SLC13A3: variants seen among roughly 807,000 people sequenced by gnomAD.
The protein encoded by SLC13A3 is Na(+)/dicarboxylate cotransporter 3.
Under a neutral mutation model 59.0 loss-of-function variants are expected in SLC13A3, and 40 were observed. The observed-to-expected ratio is 0.68, with a 90% CI of 0.53 to 0.88. The LOEUF is 0.88. Ranked by LOEUF, SLC13A3 falls within the 40% of genes least tolerant of loss-of-function variation. SLC13A3 has a pLI of 0.00. For missense variants in SLC13A3, 699 were observed against 783.2 expected (o/e 0.89, Z 1.28); for synonymous variants, 317 against 330.3 (o/e 0.96, Z 0.44).
intron 1 of SLC13A3, among the ~76,000 whole-genome samples, chr20:46,681,159 G>A (rs548916352): frequency 6.6e-6 from 1 of 152,192 alleles, no homozygotes; most frequent in Non-Finnish European, 1.5e-5. Flanking sequence ...AGAGCCAGAC[G>A]CAGCCCATGT....
chr20:46,619,365 C>T (rs1187363621), intron 1 of SLC13A3, among the ~76,000 whole-genome samples: 1 of 152,206 alleles, frequency 6.6e-6, no homozygotes, highest in Admixed American at 6.5e-5. Flanking sequence ...TCATTAGAGC[C>T]TGAGTCTTTA....
chr20:46,614,695 A>T (rs951759441), intron 1 of SLC13A3, among the ~76,000 whole-genome samples: 1 of 152,174 alleles, frequency 6.6e-6, no homozygotes, highest in Non-Finnish European at 1.5e-5. Context: ...TATTACCCCC[A>T]TTTGATGGAT....
chr20:46,611,965 A>T (rs145659157), intron 2 of SLC13A3, among the ~76,000 whole-genome samples: 102 of 152,212 alleles, frequency 6.7e-4, no homozygotes, highest in Middle Eastern at 3.4e-3. Context: ...CATCTAATCA[A>T]ATTAAGCATT....
chr20:46,622,617 TGTGC>T (rs57277976), intron 1 of SLC13A3, among the ~76,000 whole-genome samples: 10,888 of 87,698 alleles, frequency 0.12, 459 homozygotes, highest in East Asian at 0.32. Context: ...GTGTGTGGTG[TGTGC>T]GTGTGTGTGT....
intron 3 of SLC13A3, among the ~76,000 whole-genome samples, chr20:46,607,580 A>G (rs1191519708): frequency 6.6e-6 from 1 of 152,234 alleles, no homozygotes; most frequent in East Asian, 1.9e-4. Context: ...GACATCCTGC[A>G]GCATAGGAAA....
intron 1 of SLC13A3, among the ~76,000 whole-genome samples, chr20:46,657,298 G>T (rs578225544): frequency 6.6e-6 from 1 of 151,620 alleles, no homozygotes; most frequent in South Asian, 2.1e-4. Context: ...ATTTGAACCC[G>T]GGAGGCAGAA....
chr20:46,564,389 T>G (rs6090516), intron 11 of SLC13A3, among the ~76,000 whole-genome samples: 3,488 of 152,308 alleles, frequency 0.023, 146 homozygotes, highest in African/African-American at 0.08. Context: ...TTCTAGGGAA[T>G]TTTTGCAACC....
At chr20:46,649,238 C>T (rs981920065) in intron 1 of SLC13A3, among the ~76,000 whole-genome samples, 1 of 152,144 alleles carries the variant, frequency 6.6e-6, no homozygotes, top group African/African-American at 2.4e-5. Flanking sequence ...CAGGGGCTCT[C>T]CCTGTTATCT....
chr20:46,656,220 G>C (rs2062989342), upstream of SLC13A3, among the ~76,000 whole-genome samples: 1 of 141,802 alleles, frequency 7.1e-6, no homozygotes, highest in Non-Finnish European at 1.5e-5. Flanking sequence ...AATACTGTAT[G>C]TGATGTAGAC....
rs538758993 is a variant in SLC13A3 at position 46,614,414 on chromosome 20, C to T, written c.112-689G>A. ...TCAGCACTTCCGGCATCCTTATGTG[C>T]AGACTGAGCATGCTCCTGCAGCCAG... is the stretch of plus-strand genomic sequence containing the variant. On this transcript the variant is annotated intron_variant, in intron 1 of 12. Coordinates refer to ENST00000279027, the MANE Select transcript of SLC13A3 (RefSeq NM_022829.6). 3.3e-5 allele frequency among the ~76,000 whole-genome samples: 5 copies of T among 152,320 alleles called. No homozygotes were observed. The East Asian group carries it at 9.6e-4, about 29-fold the overall frequency.
chr20:46,571,256 G>A (rs2062026440), intron 10 of SLC13A3, among the ~76,000 whole-genome samples: 1 of 152,162 alleles, frequency 6.6e-6, no homozygotes, highest in South Asian at 2.1e-4. Context: ...TGGGGACACA[G>A]CCAAACTATG....
At chr20:46,614,906 G>A (rs1268065866) in intron 1 of SLC13A3, among the ~76,000 whole-genome samples, 1 of 152,194 alleles carries the variant, frequency 6.6e-6, no homozygotes, top group Non-Finnish European at 1.5e-5. Flanking sequence ...GAAGGTCTAT[G>A]TTGTGGGGGC....
chr20:46,592,403 C>A lies in SLC13A3; in HGVS notation c.920+1G>T. On this transcript the variant is annotated splice_donor_variant, in intron 6 of 12. Transcript: ENST00000279027. LOFTEE classifies it high-confidence loss of function. Reference sequence around the variant, plus strand: ...ATTGCCAAAAAGAAAATGAGAGGTACCTGAAGCTCAGTCCCCCGTACAGGA... The same window carrying A: ...ATTGCCAAAAAGAAAATGAGAGGTAACTGAAGCTCAGTCCCCCGTACAGGA... 1 of 1,613,742 alleles carries A rather than the reference C, an allele frequency of 6.2e-7. No individual in the cohort carries two copies. Among genetic ancestry groups the A allele is most frequent in the Non-Finnish European group, 8.5e-7 (1 of 1,179,808 alleles).
intron 1 of SLC13A3, among the ~76,000 whole-genome samples, chr20:46,665,039 A>AT (rs77736628): frequency 3.5e-4 from 53 of 150,174 alleles, no homozygotes; most frequent in Non-Finnish European, 5.2e-4. Flanking sequence ...TTCTGCTTTC[A>AT]TTTTTTTTTT....
chr20:46,627,723 C>T (rs761932199), intron 1 of SLC13A3, among the ~76,000 whole-genome samples: 5 of 152,176 alleles, frequency 3.3e-5, no homozygotes, highest in South Asian at 2.1e-4. Flanking sequence ...TGGACCCCTG[C>T]GGTAATTAAT....
intron 1 of SLC13A3, among the ~76,000 whole-genome samples, chr20:46,659,794 C>T (rs952715165): frequency 4.7e-5 from 7 of 149,194 alleles, no homozygotes; most frequent in Non-Finnish European, 1.5e-5. Flanking sequence ...ATTCCATTTA[C>T]CACCCTCTTC....
intron 1 of SLC13A3, among the ~76,000 whole-genome samples, chr20:46,645,972 T>C (rs1428576680): frequency 1.3e-5 from 2 of 152,190 alleles, no homozygotes; most frequent in Non-Finnish European, 2.9e-5. Flanking sequence ...TAAGGGACTC[T>C]GGCAAAAATG....
intron 10 of SLC13A3, among the ~76,000 whole-genome samples, chr20:46,572,056 C>T (rs79091214): frequency 0.01 from 1,548 of 152,178 alleles, 14 homozygotes; most frequent in Middle Eastern, 0.017. Flanking sequence ...CATGACTATA[C>T]GGTTTTGTGG....
chr20:46,660,008 G>A (rs1248534918), intron 1 of SLC13A3, among the ~76,000 whole-genome samples: 2 of 152,042 alleles, frequency 1.3e-5, no homozygotes, highest in Non-Finnish European at 2.9e-5. Context: ...CTATAAATAA[G>A]GGCTTTTCTT....
Sources: allele counts gnomAD v4.1 joint callset (sites outside exome capture counted in the v4.1 genomes callset), GRCh38; gene constraint gnomAD v4.1.1; transcripts MANE v1.5; gene names NCBI Gene and HGNC (gene_info 2026-07-23, HGNC 2026-07-21).